The following LSAMP variants were observed in gnomAD, a reference collection of about 807,000 sequenced individuals.
LSAMP encodes the protein limbic system associated membrane protein, also known as limbic system-associated membrane protein.
Under a neutral mutation model 38.6 loss-of-function variants are expected in LSAMP, and 7 were observed. The ratio of observed to expected loss-of-function variants is 0.18; its 90% CI spans 0.10 to 0.34. LSAMP has a LOEUF of 0.34. Ranked by LOEUF, LSAMP falls within the 10% of genes least tolerant of loss-of-function variation. The pLI is 1.00. For synonymous variants in LSAMP, 154 were observed against 166.8 expected (o/e 0.92, Z 0.59); for missense variants, 313 against 420.0 (o/e 0.75, Z 2.23).
chr3:115,803,710 C>G lies in LSAMP; in HGVS notation c.*6607G>C, dbSNP rs971707723. Reference sequence around the variant, plus strand: ...TCCATCTATTTGCTTTATTTCATAGCCTATAATTCAAGCTTTGGGAAACTT... The same window carrying G: ...TCCATCTATTTGCTTTATTTCATAGGCTATAATTCAAGCTTTGGGAAACTT... On this transcript the variant is annotated 3_prime_UTR_variant, in exon 7 of 7. Transcript: ENST00000490035. 3 of 152,108 alleles carry G rather than the reference C, an allele frequency of 2.0e-5. No homozygotes were observed. The highest frequency in any genetic ancestry group is 4.4e-5 in the Non-Finnish European group (3 of 68,028). 9.4% of individuals were successfully genotyped at this position (152,108 alleles called of 1,614,324 possible). A position where few individuals can be genotyped will look rare whatever the true frequency, so the allele number is the denominator to read the frequency against.
intron 1 of LSAMP, among the ~76,000 whole-genome samples, chr3:116,313,527 G>T (rs2047586400): frequency 6.6e-6 from 1 of 152,188 alleles, no homozygotes; most frequent in Non-Finnish European, 1.5e-5. Context: ...GTGAGGGCAA[G>T]CACCTTCTAG....
chr3:116,396,205 A>G (rs905146648), intron 1 of LSAMP, among the ~76,000 whole-genome samples: 2 of 152,190 alleles, frequency 1.3e-5, no homozygotes, highest in African/African-American at 4.8e-5. Flanking sequence ...AATCTCTAAG[A>G]GAGTGATTTG....
At chr3:115,929,288 G>A (rs1937543569) in intron 3 of LSAMP, among the ~76,000 whole-genome samples, 2 of 152,142 alleles carry the variant, frequency 1.3e-5, no homozygotes, top group Admixed American at 6.5e-5. Context: ...GCCAGGAGCA[G>A]AGGCATAGAT....
At chr3:115,848,504 T>C (rs960848049) in intron 4 of LSAMP, among the ~76,000 whole-genome samples, 11 of 152,212 alleles carry the variant, frequency 7.2e-5, no homozygotes, top group Non-Finnish European at 1.5e-4. Context: ...AAGATACCAG[T>C]TAAAATACAC....
At chr3:115,940,805 T>A (rs1251631293) in intron 3 of LSAMP, among the ~76,000 whole-genome samples, 1 of 152,200 alleles carries the variant, frequency 6.6e-6, no homozygotes, top group African/African-American at 2.4e-5. Context: ...TTTTGATTAA[T>A]ATACCTTTGT....
intron 6 of LSAMP, among the ~76,000 whole-genome samples, chr3:115,836,612 GC>G: frequency 6.6e-6 from 1 of 152,258 alleles, no homozygotes; most frequent in South Asian, 2.1e-4. Flanking sequence ...ATATGCTGTG[GC>G]TCTTAGCAAG....
chr3:116,381,867 T>C (rs765429258), intron 1 of LSAMP, among the ~76,000 whole-genome samples: 4 of 152,124 alleles, frequency 2.6e-5, no homozygotes, highest in African/African-American at 9.7e-5. Flanking sequence ...TGTCTTAGGA[T>C]CATACAATAT....
chr3:116,039,768 G>A (rs916524726), intron 2 of LSAMP, among the ~76,000 whole-genome samples: 12 of 152,162 alleles, frequency 7.9e-5, no homozygotes, highest in South Asian at 2.1e-4. Flanking sequence ...AGCCTGCTGC[G>A]TGAGAGAGAT....
intron 1 of LSAMP, among the ~76,000 whole-genome samples, chr3:116,237,065 A>G (rs939568727): frequency 6.6e-6 from 1 of 152,042 alleles, no homozygotes; most frequent in African/African-American, 2.4e-5. Flanking sequence ...GAAGACACTA[A>G]GATGACTTTC....
At chr3:116,094,048 T>A (rs1214243689) in intron 1 of LSAMP, among the ~76,000 whole-genome samples, 2 of 152,152 alleles carry the variant, frequency 1.3e-5, no homozygotes, top group Non-Finnish European at 2.9e-5. Context: ...CTTAGTCTGG[T>A]TTTATAACAT....
rs1210748382 is a variant in LSAMP at position 115,808,537 on chromosome 3, A to T, written c.*1780T>A. 6.6e-6 allele frequency: 1 copy of T among 152,194 alleles called. No individual in the cohort carries two copies. The highest frequency in any genetic ancestry group is 2.4e-5 in the African/African-American group (1 of 41,448). 9.4% of individuals were successfully genotyped at this position (152,194 alleles called of 1,614,324 possible). ...TGTCTAAATTTATTACAAGTTGCCCAGCAATTTTGGTTAAGGACCTAGATC... is the reference window on the plus strand; with the variant it reads ...TGTCTAAATTTATTACAAGTTGCCCTGCAATTTTGGTTAAGGACCTAGATC... On this transcript the variant is annotated 3_prime_UTR_variant, in exon 7 of 7. Transcript: ENST00000490035.
intron 3 of LSAMP, among the ~76,000 whole-genome samples, chr3:115,916,297 C>T (rs1469000643): frequency 6.6e-6 from 1 of 152,040 alleles, no homozygotes. Context: ...GGCTCAGCAG[C>T]CAAGATAAAA....
At chr3:115,894,641 C>A (rs1936683319) in intron 3 of LSAMP, among the ~76,000 whole-genome samples, 1 of 151,970 alleles carries the variant, frequency 6.6e-6, no homozygotes, top group African/African-American at 2.4e-5. Context: ...AAATGAAAAC[C>A]ACTGATAACA....
intron 1 of LSAMP, among the ~76,000 whole-genome samples, chr3:116,335,161 A>G (rs1053028232): frequency 6.6e-6 from 1 of 152,042 alleles, no homozygotes; most frequent in Admixed American, 6.6e-5. Context: ...CAATTAACAG[A>G]GTCAGTCAAA....
chr3:115,879,049 T>C (rs754816585), intron 3 of LSAMP, among the ~76,000 whole-genome samples: 3 of 152,142 alleles, frequency 2.0e-5, no homozygotes, highest in Non-Finnish European at 2.9e-5. Context: ...AGCAAATTTA[T>C]AATAGGCCCT....
intron 1 of LSAMP, among the ~76,000 whole-genome samples, chr3:116,277,841 A>T (rs1306142309): frequency 1.3e-5 from 2 of 152,156 alleles, no homozygotes; most frequent in Non-Finnish European, 2.9e-5. Context: ...GCCTGCTCTT[A>T]TTTTCATCAT....
intron 3 of LSAMP, among the ~76,000 whole-genome samples, chr3:115,914,656 T>G (rs999453414): frequency 6.6e-6 from 1 of 152,186 alleles, no homozygotes; most frequent in African/African-American, 2.4e-5. Flanking sequence ...CTTATTATAT[T>G]TCTTTCTTTT....
intron 1 of LSAMP, among the ~76,000 whole-genome samples, chr3:116,118,570 G>A (rs570179793): frequency 4.7e-4 from 71 of 152,220 alleles, no homozygotes; most frequent in Non-Finnish European, 8.7e-4. Flanking sequence ...GAGTTTGCAG[G>A]GGGTGGGTGA....
chr3:116,146,377 G>A (rs1309862332), intron 1 of LSAMP, among the ~76,000 whole-genome samples: 3 of 151,786 alleles, frequency 2.0e-5, no homozygotes, highest in Admixed American at 6.6e-5. Context: ...TTTAAAATTG[G>A]GCTTGGAACA....
Sources: allele counts gnomAD v4.1 joint callset (sites outside exome capture counted in the v4.1 genomes callset), GRCh38; gene constraint gnomAD v4.1.1; transcripts MANE v1.5; gene names NCBI Gene and HGNC (gene_info 2026-07-23, HGNC 2026-07-21).